Variants in KHDRBS2 observed in about 807,000 individuals in gnomAD.
KHDRBS2 encodes the protein KH RNA binding domain containing, signal transduction associated 2.
A neutral mutation model predicts 44.3 loss-of-function variants in KHDRBS2; 26 were observed. That is an observed-to-expected ratio of 0.59 (90% CI 0.43 to 0.81). KHDRBS2 has a LOEUF of 0.81. Ranked by LOEUF, KHDRBS2 falls within the 40% of genes least tolerant of loss-of-function variation. The pLI, the probability that KHDRBS2 is intolerant of heterozygous loss-of-function variation, is 0.00. For missense variants in KHDRBS2, 476 were observed against 433.1 expected, an observed-to-expected ratio of 1.10 and a Z score of -0.88; for synonymous variants, 194 against 151.1, an observed-to-expected ratio of 1.28 and a Z score of -2.08.
At chr6:61,582,980 A>G in the KHDRBS2 span, among the ~76,000 whole-genome samples, 1 of 151,862 alleles carries the variant, frequency 6.6e-6, no homozygotes, top group Admixed American at 6.6e-5. Context: ...CCACAGAAAA[A>G]CACTGGAATA....
intron 6 of KHDRBS2, among the ~76,000 whole-genome samples, chr6:61,749,172 C>T (rs1479432748): frequency 6.6e-6 from 1 of 151,712 alleles, no homozygotes; most frequent in Non-Finnish European, 1.5e-5. Context: ...GCCACCATGC[C>T]CGGCTAATTT....
chr6:61,619,362 G>T, the KHDRBS2 span, among the ~76,000 whole-genome samples: 1 of 148,656 alleles, frequency 6.7e-6, no homozygotes, highest in Non-Finnish European at 1.5e-5. Flanking sequence ...TACAGTTTTT[G>T]ATTTTCCATT....
At chr6:61,819,798 TA>T (rs1562243869) in intron 6 of KHDRBS2, among the ~76,000 whole-genome samples, 2 of 151,996 alleles carry the variant, frequency 1.3e-5, no homozygotes, top group Non-Finnish European at 2.9e-5. Flanking sequence ...TGAGGCAAGA[TA>T]AGTCTGAACA....
intron 6 of KHDRBS2, among the ~76,000 whole-genome samples, chr6:61,769,904 A>G (rs1295741955): frequency 6.6e-6 from 1 of 152,032 alleles, no homozygotes; most frequent in South Asian, 2.1e-4. Flanking sequence ...TGGGTCCCTG[A>G]CCCCCAAGTA....
At chr6:61,877,389 G>A (rs1458056023) in intron 6 of KHDRBS2, among the ~76,000 whole-genome samples, 1 of 151,760 alleles carries the variant, frequency 6.6e-6, no homozygotes, top group Non-Finnish European at 1.5e-5. Context: ...ATTCAGTGGA[G>A]GATTTATGGA....
the KHDRBS2 span, among the ~76,000 whole-genome samples, chr6:61,586,251 C>T: frequency 6.6e-6 from 1 of 152,178 alleles, no homozygotes; most frequent in African/African-American, 2.4e-5. Flanking sequence ...TACAGCTACA[C>T]AAGCTTCAAG....
At chr6:61,986,816 T>C (rs1341762426) in intron 3 of KHDRBS2, among the ~76,000 whole-genome samples, 1 of 152,124 alleles carries the variant, frequency 6.6e-6, no homozygotes, top group Admixed American at 6.6e-5. Context: ...ACAAGGGTAC[T>C]AATCCCACCA....
At chr6:61,569,334 CT>C in the KHDRBS2 span, among the ~76,000 whole-genome samples, 2 of 152,150 alleles carry the variant, frequency 1.3e-5, no homozygotes, top group Non-Finnish European at 2.9e-5. Context: ...AAAAGATAGA[CT>C]CTCTTAGGGG....
chr6:61,746,357 T>C (rs1776858470), intron 6 of KHDRBS2, among the ~76,000 whole-genome samples: 1 of 152,134 alleles, frequency 6.6e-6, no homozygotes, highest in African/African-American at 2.4e-5. Flanking sequence ...CCTCCCTGTG[T>C]CCATGTGGTC....
At chr6:62,212,586 A>G (rs1475191873) in intron 1 of KHDRBS2, among the ~76,000 whole-genome samples, 6 of 152,186 alleles carry the variant, frequency 3.9e-5, no homozygotes, top group Admixed American at 1.3e-4. Flanking sequence ...ATCCAACATG[A>G]CTAGTGTCCT....
chr6:62,014,814 A>G (rs1465081835), intron 3 of KHDRBS2, among the ~76,000 whole-genome samples: 1 of 152,138 alleles, frequency 6.6e-6, no homozygotes, highest in Non-Finnish European at 1.5e-5. Flanking sequence ...ACTATTTTTG[A>G]CAACTTGTCA....
chr6:61,899,904 C>T (rs1010325982), intron 5 of KHDRBS2, among the ~76,000 whole-genome samples: 2 of 152,002 alleles, frequency 1.3e-5, no homozygotes, highest in East Asian at 1.9e-4. Flanking sequence ...TTAAAGATGA[C>T]TAGCAATGAT....
At chr6:62,209,276 C>T (rs1189412428) in intron 1 of KHDRBS2, among the ~76,000 whole-genome samples, 1 of 152,116 alleles carries the variant, frequency 6.6e-6, no homozygotes, top group Non-Finnish European at 1.5e-5. Flanking sequence ...TACCACTCCT[C>T]TTTTGGTAGT....
chr6:62,251,864 G>C, intron 1 of KHDRBS2, among the ~76,000 whole-genome samples: 1 of 151,838 alleles, frequency 6.6e-6, no homozygotes, highest in East Asian at 1.9e-4. Context: ...AATAGTAAAT[G>C]TAGTATTAAA....
the KHDRBS2 span, among the ~76,000 whole-genome samples, chr6:61,570,984 G>T: frequency 6.6e-6 from 1 of 151,740 alleles, no homozygotes; most frequent in Admixed American, 6.6e-5. Flanking sequence ...ATGTCTCACA[G>T]GGCCTATAAA....
chr6:62,200,637 G>T (rs1297074851), intron 1 of KHDRBS2, among the ~76,000 whole-genome samples: 1 of 152,138 alleles, frequency 6.6e-6, no homozygotes, highest in Admixed American at 6.5e-5. Context: ...ACTGTTGGTG[G>T]GACCATAAAC....
At chr6:62,093,929 G>A (rs955045392) in intron 2 of KHDRBS2, among the ~76,000 whole-genome samples, 1 of 150,220 alleles carries the variant, frequency 6.7e-6, no homozygotes, top group African/African-American at 2.4e-5. Flanking sequence ...TCCACTGATA[G>A]ACATTTATGT....
chr6:61,563,547 G>C, the KHDRBS2 span, among the ~76,000 whole-genome samples: 1 of 152,110 alleles, frequency 6.6e-6, no homozygotes, highest in African/African-American at 2.4e-5. Flanking sequence ...AATATTGATA[G>C]GAACAATTTA....
intron 6 of KHDRBS2, among the ~76,000 whole-genome samples, chr6:61,863,883 G>A (rs1479333937): frequency 6.6e-6 from 1 of 152,148 alleles, no homozygotes; most frequent in Non-Finnish European, 1.5e-5. Context: ...TTAGTAGGAT[G>A]TTAAAGTCTC....
Sources: allele counts gnomAD v4.1 joint callset (sites outside exome capture counted in the v4.1 genomes callset), GRCh38; gene constraint gnomAD v4.1.1; transcripts MANE v1.5; gene names NCBI Gene and HGNC (gene_info 2026-07-23, HGNC 2026-07-21).